The following NPLOC4 variants were observed in gnomAD, a reference collection of about 807,000 sequenced individuals.
The protein encoded by NPLOC4 is nuclear protein localization protein 4 homolog.
Under a neutral mutation model 80.6 loss-of-function variants are expected in NPLOC4, and 18 were observed. The observed-to-expected ratio is 0.22, with a 90% CI of 0.15 to 0.33. The LOEUF (loss-of-function observed/expected upper bound fraction) is 0.33. Ranked by LOEUF, NPLOC4 falls within the 10% of genes least tolerant of loss-of-function variation. The pLI, the probability that NPLOC4 is intolerant of heterozygous loss-of-function variation, is 1.00. For missense variants in NPLOC4, 540 were observed against 786.1 expected, an observed-to-expected ratio of 0.69 and a Z score of 3.74; for synonymous variants, 313 against 301.5, an observed-to-expected ratio of 1.04 and a Z score of -0.39.
intron 1 of NPLOC4, among the ~76,000 whole-genome samples, chr17:81,633,362 C>A (rs1315861059): frequency 1.7e-4 from 26 of 152,248 alleles, no homozygotes; most frequent in Admixed American, 1.6e-3. Flanking sequence ...GACTCTGGAA[C>A]AAGAGCATGT....
chr17:81,597,373 G>T, intron 9 of NPLOC4, 57 bp from the exon 10 acceptor site: 1 of 1,381,022 alleles, frequency 7.2e-7, no homozygotes, highest in Non-Finnish European at 1.0e-6. Flanking sequence ...ATGAATGGCT[G>T]GGCGCAGTGA....
In NPLOC4 at chr17:81,631,277, GCT is replaced by G. The variant is rs2035918750; in HGVS notation, c.16-1474_16-1473del. Among the ~76,000 whole-genome samples, 4 of 151,736 alleles carry G rather than the reference GCT, an allele frequency of 2.6e-5. No individual in the cohort carries two copies. In the South Asian group the frequency reaches 6.2e-4, roughly 24 times the overall value. ...AAAATATTTTCAGCTGGGCACAGTG[GCT>G]CACACCTATAATCTGTGCACTTCAG... On this transcript the variant is annotated intron_variant, in intron 1 of 16. Transcript: ENST00000331134.
chr17:81,582,255 T>C (rs1376567775), intron 12 of NPLOC4, among the ~76,000 whole-genome samples: 1 of 152,178 alleles, frequency 6.6e-6, no homozygotes, highest in African/African-American at 2.4e-5. Context: ...ATGACGGGCA[T>C]GAAAGGGCAA....
In NPLOC4 at chr17:81,604,617, C is replaced by T; in HGVS notation, c.765G>A (p.Arg255=). The part of the protein sequence containing the change: ...GNQHFGYLYG[R]YTEHKDIPLG... Reference sequence around the variant, plus strand: ...GGGGAATGTCTTTGTGCTCCGTGTACCGTCCGTATAAGTACCCAAAATGCT... The same window carrying T: ...GGGGAATGTCTTTGTGCTCCGTGTATCGTCCGTATAAGTACCCAAAATGCT... Residue 255 remains arginine (R), a synonymous_variant, in exon 8 of 17, where the codon CGG becomes CGA. Transcript: ENST00000331134. 1 of 1,613,836 alleles carries T rather than the reference C, an allele frequency of 6.2e-7. No homozygotes were observed. Among genetic ancestry groups the T allele is most frequent in the Non-Finnish European group, 8.5e-7 (1 of 1,179,844 alleles).
At chr17:81,585,694 G>A (rs1248194649) in intron 12 of NPLOC4, among the ~76,000 whole-genome samples, 5 of 150,670 alleles carry the variant, frequency 3.3e-5, no homozygotes, top group Non-Finnish European at 7.4e-5. Context: ...ATCAGAGGCT[G>A]GGTGCAGTGG....
intron 1 of NPLOC4, among the ~76,000 whole-genome samples, chr17:81,636,073 A>T (rs2036063447): frequency 6.6e-6 from 1 of 152,004 alleles, no homozygotes; most frequent in South Asian, 2.1e-4. Context: ...CCCGCGTTCA[A>T]GCAATTCTCC....
intron 3 of NPLOC4, among the ~76,000 whole-genome samples, chr17:81,621,103 G>GAA (rs1568162549): frequency 1.4e-5 from 2 of 143,538 alleles, no homozygotes; most frequent in Non-Finnish European, 3.1e-5. Context: ...AAGAAAGAAA[G>GAA]AAAAGGAAAG....
chr17:81,622,386 GC>G, intron 2 of NPLOC4, 108 bp from the exon 3 acceptor site: 1 of 820,896 alleles, frequency 1.2e-6, no homozygotes, highest in Non-Finnish European at 2.0e-6. Flanking sequence ...TTTGGAAAGT[GC>G]CCATCATTTA....
At chr17:81,607,393 CA>C (rs1158799161) in intron 6 of NPLOC4, among the ~76,000 whole-genome samples, 1,261 of 77,824 alleles carry the variant, frequency 0.016, 4 homozygotes, top group Non-Finnish European at 0.019. Context: ...ATATAACTGA[CA>C]AAAAAAAAAA....
In NPLOC4 at chr17:81,624,897, G is replaced by A. The variant is rs138675493; in HGVS notation, c.97-2619C>T. 8.4e-4 allele frequency among the ~76,000 whole-genome samples: 128 copies of A among 152,334 alleles called. 1 individual carries two copies. The highest frequency in any genetic ancestry group is 2.9e-3 in the African/African-American group (121 of 41,584). ...AGGCCAGAGGCCAATAAACAATAAG[G>A]AAGATGGAAAGAGATGAGGCTGGCG... On this transcript the variant is annotated intron_variant, in intron 2 of 16. Transcript: ENST00000331134.
intron 1 of NPLOC4, 92 bp from the exon 2 acceptor site, chr17:81,629,897 G>T: frequency 1.1e-6 from 1 of 934,992 alleles, no homozygotes; most frequent in Non-Finnish European, 1.7e-6. Flanking sequence ...TAGCATCTGG[G>T]TCACTGAAAA....
At chr17:81,629,624 A>G in intron 2 of NPLOC4, 101 bp downstream of exon 2, 1 of 899,670 alleles carries the variant, frequency 1.1e-6, no homozygotes, top group Non-Finnish European at 1.8e-6. Context: ...CAATTTGGGA[A>G]TAGGGAAAAT....
intron 16 of NPLOC4, chr17:81,564,034 T>C (rs900470132): frequency 9.6e-6 from 4 of 415,702 alleles, no homozygotes; most frequent in Admixed American, 2.6e-5. Context: ...TGAGCTAAGA[T>C]TGCGCCACTG....
intron 8 of NPLOC4, among the ~76,000 whole-genome samples, chr17:81,603,899 C>A (rs2035131804): frequency 6.6e-6 from 1 of 152,098 alleles, no homozygotes; most frequent in African/African-American, 2.4e-5. Context: ...TACATAATTA[C>A]AAAACAAATT....
rs539039620 is a variant in NPLOC4 at position 81,577,512 on chromosome 17, A to G, written c.1282-5424T>C. Among the ~76,000 whole-genome samples, 1 of 151,388 alleles carries G rather than the reference A, an allele frequency of 6.6e-6. No individual in the cohort carries two copies. Among genetic ancestry groups the G allele is most frequent in the African/African-American group, 2.4e-5 (1 of 41,222 alleles). ...GCTCATCTACTTCCGGGTTAGCTCAACGCACTCTTCTCTTCTCCCTCTGAA... is the reference window on the plus strand; with the variant it reads ...GCTCATCTACTTCCGGGTTAGCTCAGCGCACTCTTCTCTTCTCCCTCTGAA... On this transcript the variant is annotated intron_variant, in intron 12 of 16. Coordinates refer to ENST00000331134, the MANE Select transcript of NPLOC4 (RefSeq NM_017921.4). The surrounding 1 kb of genome is among the most constrained non-coding windows in gnomAD (Gnocchi z 4.3).
At chr17:81,598,269 T>G (rs890853424) in intron 9 of NPLOC4, among the ~76,000 whole-genome samples, 20 of 152,150 alleles carry the variant, frequency 1.3e-4, no homozygotes, top group African/African-American at 4.8e-4. Flanking sequence ...CTCTGTTCAG[T>G]AGAAACTGGC....
rs1295894472 is a variant in NPLOC4 at position 81,572,548 on chromosome 17, C to T, written c.1282-460G>A. On this transcript the variant is annotated intron_variant, in intron 12 of 16. Coordinates refer to ENST00000331134, the MANE Select transcript of NPLOC4 (RefSeq NM_017921.4). The surrounding 1 kb of genome is among the most constrained non-coding windows in gnomAD (Gnocchi z 4.5). ...AGTGTATGGATAGCAGAAAGGAAAA[C>T]GTGCATATTTTTGCAGTAAAACCAC... is the stretch of plus-strand genomic sequence containing the variant. 2.0e-5 allele frequency among the ~76,000 whole-genome samples: 3 copies of T among 152,184 alleles called. No individual in the cohort carries two copies. Among genetic ancestry groups the T allele is most frequent in the African/African-American group, 7.2e-5 (3 of 41,448 alleles).
chr17:81,570,777 G>A (rs1264116153), intron 13 of NPLOC4, among the ~76,000 whole-genome samples: 1 of 152,184 alleles, frequency 6.6e-6, no homozygotes, highest in African/African-American at 2.4e-5. Flanking sequence ...CCAGGGCTGG[G>A]CATGGAGCTT....
At chr17:81,631,002 G>A (rs1194967506) in intron 1 of NPLOC4, among the ~76,000 whole-genome samples, 15 of 151,158 alleles carry the variant, frequency 9.9e-5, no homozygotes, top group Non-Finnish European at 1.3e-4. Flanking sequence ...GTGAAACCCC[G>A]TCTCTACTAA....
Sources: allele counts gnomAD v4.1 joint callset (sites outside exome capture counted in the v4.1 genomes callset), GRCh38; gene constraint gnomAD v4.1.1; non-coding constraint Gnocchi (gnomAD v3.1); transcripts MANE v1.5; gene names NCBI Gene and HGNC (gene_info 2026-07-23, HGNC 2026-07-21).